Variants in FRMD4A observed in about 807,000 individuals in gnomAD.
The protein encoded by FRMD4A is FERM domain-containing protein 4A.
FRMD4A carries 29 observed loss-of-function variants against 129.1 expected under a neutral mutation model. That is an observed-to-expected ratio of 0.22 (90% confidence interval 0.17 to 0.31). The LOEUF (loss-of-function observed/expected upper bound fraction) is 0.31, where lower values mean the gene tolerates loss of function less well. FRMD4A is among the 10% of genes least tolerant of loss of function. FRMD4A has a pLI of 1.00. For missense variants in FRMD4A, 1,272 were observed against 1,375.8 expected, an observed-to-expected ratio of 0.92 and a Z score of 1.19; for synonymous variants, 634 against 571.6, an observed-to-expected ratio of 1.11 and a Z score of -1.56.
intron 2 of FRMD4A, among the ~76,000 whole-genome samples, chr10:14,257,509 T>C (rs570167961): frequency 7.2e-5 from 11 of 152,324 alleles, no homozygotes; most frequent in African/African-American, 2.4e-4. Flanking sequence ...TTGAGTTGAA[T>C]GGTATCCCCT....
chr10:13,908,164 TAAAAAAAAAA>T (rs58370207), intron 2 of FRMD4A, among the ~76,000 whole-genome samples: 1 of 41,086 alleles, frequency 2.4e-5, no homozygotes. Context: ...AAACTCCATC[TAAAAAAAAAA>T]AAAAAAAAAA....
intron 2 of FRMD4A, among the ~76,000 whole-genome samples, chr10:14,224,564 T>A (rs531092166): frequency 6.6e-6 from 1 of 152,302 alleles, no homozygotes; most frequent in African/African-American, 2.4e-5. Context: ...TGCACTTTGA[T>A]TAAATTTTGA....
chr10:13,823,728 C>T lies in FRMD4A; in HGVS notation c.112-12820G>A, dbSNP rs190285886. ...GGAGGTGAGGTATGTTCTATAAGAT[C>T]AAATGACACATTGGCAGATTGGTAC... On this transcript the variant is annotated intron_variant, in intron 3 of 24. Coordinates refer to ENST00000357447, the MANE Select transcript of FRMD4A (RefSeq NM_018027.5). Among the ~76,000 whole-genome samples the T allele has an allele frequency of 2.6e-4, 39 of 152,300 alleles. 1 individual carries two copies. The highest frequency in any genetic ancestry group is 1.2e-3 in the Admixed American group (19 of 15,300).
At chr10:14,251,594 T>C (rs1844442699) in intron 2 of FRMD4A, among the ~76,000 whole-genome samples, 1 of 152,166 alleles carries the variant, frequency 6.6e-6, no homozygotes, top group Non-Finnish European at 1.5e-5. Flanking sequence ...TTTGGGACAA[T>C]ATGTGAGGCA....
chr10:13,818,741 AG>A (rs1270569254), intron 3 of FRMD4A, among the ~76,000 whole-genome samples: 1 of 152,264 alleles, frequency 6.6e-6, no homozygotes, highest in African/African-American at 2.4e-5. Context: ...TAAATAAATT[AG>A]TCTGATCTAT....
intron 2 of FRMD4A, among the ~76,000 whole-genome samples, chr10:14,046,434 A>C (rs765122635): frequency 7.9e-5 from 12 of 152,230 alleles, no homozygotes; most frequent in Non-Finnish European, 1.8e-4. Context: ...TATAATATAA[A>C]AAACCATACG....
chr10:14,079,840 A>G (rs1835824016), intron 2 of FRMD4A, among the ~76,000 whole-genome samples: 1 of 152,182 alleles, frequency 6.6e-6, no homozygotes, highest in Non-Finnish European at 1.5e-5. Flanking sequence ...TGGGGCAGAT[A>G]GACATATTGA....
chr10:14,281,192 G>A (rs1218367), intron 2 of FRMD4A, among the ~76,000 whole-genome samples: 5,829 of 151,812 alleles, frequency 0.038, 194 homozygotes, highest in African/African-American at 0.082. Context: ...GGGTTTCTCC[G>A]TGTTGGTCAG....
At chr10:14,122,910 G>C (rs1838611894) in intron 2 of FRMD4A, among the ~76,000 whole-genome samples, 1 of 152,048 alleles carries the variant, frequency 6.6e-6, no homozygotes, top group South Asian at 2.1e-4. Flanking sequence ...CCTTGTGTTG[G>C]GAACATTCAG....
At chr10:13,853,829 C>CAAAA (rs745585369) in intron 3 of FRMD4A, among the ~76,000 whole-genome samples, 21 of 89,806 alleles carry the variant, frequency 2.3e-4, no homozygotes, top group African/African-American at 3.8e-4. Context: ...AAGACTCTCT[C>CAAAA]AAAAAAAAAA....
intron 2 of FRMD4A, among the ~76,000 whole-genome samples, chr10:14,225,835 G>T (rs1437014372): frequency 6.6e-6 from 1 of 152,126 alleles, no homozygotes; most frequent in African/African-American, 2.4e-5. Context: ...GAATAAACTG[G>T]CGTTTGGGTT....
At chr10:14,268,949 T>C (rs1292434436) in intron 2 of FRMD4A, among the ~76,000 whole-genome samples, 1 of 152,264 alleles carries the variant, frequency 6.6e-6, no homozygotes, top group African/African-American at 2.4e-5. Context: ...GATTACCCAC[T>C]AAGCGTATGC....
intron 2 of FRMD4A, among the ~76,000 whole-genome samples, chr10:14,267,419 G>A (rs1287380910): frequency 1.3e-5 from 2 of 152,156 alleles, no homozygotes; most frequent in African/African-American, 2.4e-5. Flanking sequence ...GGAAATTAGA[G>A]GCCTGGAAGT....
chr10:13,936,582 A>C (rs529384486), intron 2 of FRMD4A, among the ~76,000 whole-genome samples: 7 of 152,224 alleles, frequency 4.6e-5, no homozygotes, highest in South Asian at 4.1e-4. Context: ...ATGTGAGGAC[A>C]CAAAGAGAAG....
At chr10:13,698,227 G>C (rs1020319346) in intron 14 of FRMD4A, among the ~76,000 whole-genome samples, 4 of 152,120 alleles carry the variant, frequency 2.6e-5, no homozygotes, top group Non-Finnish European at 4.4e-5. Context: ...TTGCTGACTC[G>C]AACCACTAGA....
chr10:14,294,056 C>A (rs1389618116), intron 2 of FRMD4A, among the ~76,000 whole-genome samples: 1 of 152,056 alleles, frequency 6.6e-6, no homozygotes, highest in Non-Finnish European at 1.5e-5. Context: ...AATTATTCAC[C>A]CAAAATACAG....
At chr10:14,210,858 G>A (rs1842916367) in intron 2 of FRMD4A, among the ~76,000 whole-genome samples, 1 of 152,178 alleles carries the variant, frequency 6.6e-6, no homozygotes, top group Non-Finnish European at 1.5e-5. Flanking sequence ...CTACCAAGTA[G>A]CTGGGACTAC....
At chr10:14,282,418 C>T (rs1442132213) in intron 2 of FRMD4A, among the ~76,000 whole-genome samples, 1 of 152,186 alleles carries the variant, frequency 6.6e-6, no homozygotes, top group Non-Finnish European at 1.5e-5. Flanking sequence ...TTCCAGAAGG[C>T]TTAATAGTCT....
At chr10:14,064,127 T>G (rs1834944558) in intron 2 of FRMD4A, among the ~76,000 whole-genome samples, 1 of 152,184 alleles carries the variant, frequency 6.6e-6, no homozygotes, top group African/African-American at 2.4e-5. Flanking sequence ...ACTTAATTCC[T>G]CCCCAGCTGG....
Sources: gnomAD v4.1 joint callset for allele counts (sites outside exome capture counted in the v4.1 genomes callset) on GRCh38, gnomAD v4.1.1 for gene constraint, MANE v1.5 for transcripts, NCBI Gene and HGNC (gene_info 2026-07-23, HGNC 2026-07-21) for gene names.